Variants in TENM3 observed in about 807,000 individuals in gnomAD.
TENM3 encodes the protein teneurin transmembrane protein 3.
Under a neutral mutation model 255.1 loss-of-function variants are expected in TENM3, and 63 were observed. The ratio of observed to expected loss-of-function variants is 0.25; its 90% CI spans 0.20 to 0.30. TENM3 has a LOEUF of 0.30. Ranked by LOEUF, TENM3 falls within the 10% of genes least tolerant of loss-of-function variation. TENM3 has a pLI of 1.00. For missense variants in TENM3, 2,929 were observed against 3,461.1 expected (o/e 0.85, Z 3.86); for synonymous variants, 1,306 against 1,322.3 (o/e 0.99, Z 0.27).
At chr4:182,002,172 G>C in the TENM3 span, among the ~76,000 whole-genome samples, 4 of 152,060 alleles carry the variant, frequency 2.6e-5, no homozygotes, top group Non-Finnish European at 5.9e-5. Flanking sequence ...TCTGCCAGAA[G>C]GAAACTCTTT....
At chr4:181,903,529 A>G in the TENM3 span, among the ~76,000 whole-genome samples, 27 of 152,164 alleles carry the variant, frequency 1.8e-4, no homozygotes, top group Non-Finnish European at 2.9e-5. Flanking sequence ...CCAGCCTGTC[A>G]TCTCTCCAAC....
At chr4:181,704,436 G>T in the TENM3 span, among the ~76,000 whole-genome samples, 1 of 152,152 alleles carries the variant, frequency 6.6e-6, no homozygotes, top group Non-Finnish European at 1.5e-5. Context: ...GCAGCTTCTT[G>T]TATGTGAAGA....
chr4:181,487,961 T>G, the TENM3 span, among the ~76,000 whole-genome samples: 4 of 152,198 alleles, frequency 2.6e-5, no homozygotes, highest in Non-Finnish European at 4.4e-5. Flanking sequence ...TAATGACTCC[T>G]GAAAGTCATG....
the TENM3 span, among the ~76,000 whole-genome samples, chr4:181,928,608 C>T: frequency 4.6e-5 from 7 of 152,006 alleles, no homozygotes; most frequent in South Asian, 2.1e-4. Context: ...AAACACTCTT[C>T]GGGATATTAT....
chr4:181,691,381 T>C, the TENM3 span, among the ~76,000 whole-genome samples: 1 of 152,026 alleles, frequency 6.6e-6, no homozygotes, highest in Non-Finnish European at 1.5e-5. Flanking sequence ...CACGATAAGA[T>C]CGTACATTTC....
chr4:182,180,538 C>T (rs1453811859), intron 1 of TENM3, among the ~76,000 whole-genome samples: 2 of 151,970 alleles, frequency 1.3e-5, no homozygotes, highest in Non-Finnish European at 2.9e-5. Context: ...AGATGAGTTT[C>T]ATAAAGTCAT....
At chr4:182,064,773 G>A in the TENM3 span, among the ~76,000 whole-genome samples, 8 of 152,130 alleles carry the variant, frequency 5.3e-5, no homozygotes, top group African/African-American at 1.9e-4. Context: ...AAGAGGGTCT[G>A]ACATGGGCAT....
the TENM3 span, among the ~76,000 whole-genome samples, chr4:181,794,461 C>A: frequency 3.3e-5 from 5 of 152,162 alleles, no homozygotes; most frequent in East Asian, 1.9e-4. Context: ...CACATCCCAG[C>A]CCCTGGCAAC....
chr4:181,722,661 C>T, the TENM3 span, among the ~76,000 whole-genome samples: 1 of 152,128 alleles, frequency 6.6e-6, no homozygotes, highest in South Asian at 2.1e-4. Context: ...TAAAATTACT[C>T]ATATTTTAAT....
chr4:182,094,249 A>C, the TENM3 span, among the ~76,000 whole-genome samples: 1 of 150,622 alleles, frequency 6.6e-6, no homozygotes, highest in Non-Finnish European at 1.5e-5. Context: ...CTCATTCTTT[A>C]CTTTTTTTTT....
At chr4:181,804,070 GGAAAGAAA>G in the TENM3 span, among the ~76,000 whole-genome samples, 6 of 83,106 alleles carry the variant, frequency 7.2e-5, no homozygotes, top group African/African-American at 2.4e-4. Flanking sequence ...GAAAGAGAAA[GGAAAGAAA>G]GAAAGAAAGG....
intron 2 of TENM3, among the ~76,000 whole-genome samples, chr4:182,333,713 G>A (rs1285063053): frequency 6.6e-6 from 1 of 152,100 alleles, no homozygotes; most frequent in African/African-American, 2.4e-5. Flanking sequence ...AATTGTTTTA[G>A]ATGTTTTAGC....
the TENM3 span, among the ~76,000 whole-genome samples, chr4:181,700,558 A>G: frequency 1.3e-5 from 2 of 152,350 alleles, no homozygotes; most frequent in South Asian, 4.1e-4. Context: ...AACTGAGAAC[A>G]TGAGCAGAAG....
intron 3 of TENM3, among the ~76,000 whole-genome samples, chr4:182,492,465 G>A (rs1735391873): frequency 6.6e-6 from 1 of 152,156 alleles, no homozygotes; most frequent in Non-Finnish European, 1.5e-5. Flanking sequence ...TGCTCGAGGA[G>A]TTACTATATC....
rs186918367 is a variant in TENM3, at chr4:182,763,230, G to A, written c.4892+7971G>A. Among the ~76,000 whole-genome samples, 210 of 152,306 alleles carry A rather than the reference G, an allele frequency of 1.4e-3. 1 individual carries two copies. The highest frequency in any genetic ancestry group is 4.9e-3 in the African/African-American group (202 of 41,578). On this transcript the variant is annotated intron_variant, in intron 22 of 27. Transcript: ENST00000511685. ...TAAGCATTTAAAGAATGTAAGTCAA[G>A]CATCAGCTAGAAGAAAGATGTCATT...
intron 22 of TENM3, among the ~76,000 whole-genome samples, chr4:182,762,245 G>A (rs1763259495): frequency 6.6e-6 from 1 of 152,184 alleles, no homozygotes; most frequent in Admixed American, 6.5e-5. Flanking sequence ...TTCCGGATGT[G>A]CTAACTTGTT....
At chr4:182,096,402 G>A in the TENM3 span, among the ~76,000 whole-genome samples, 1 of 152,056 alleles carries the variant, frequency 6.6e-6, no homozygotes, top group African/African-American at 2.4e-5. Context: ...GTAAATAAAG[G>A]AAAATAACCA....
chr4:182,048,638 G>T, the TENM3 span, among the ~76,000 whole-genome samples: 4 of 152,062 alleles, frequency 2.6e-5, no homozygotes, highest in Admixed American at 2.0e-4. Flanking sequence ...CCTCTATAAA[G>T]GAAACTTTTT....
At chr4:181,465,904 C>T in the TENM3 span, among the ~76,000 whole-genome samples, 1 of 152,086 alleles carries the variant, frequency 6.6e-6, no homozygotes, top group Non-Finnish European at 1.5e-5. Flanking sequence ...GCCACTGTGC[C>T]ACTTGCTCTT....
Sources: gnomAD v4.1 joint callset for allele counts (sites outside exome capture counted in the v4.1 genomes callset) on GRCh38, gnomAD v4.1.1 for gene constraint, MANE v1.5 for transcripts, NCBI Gene and HGNC (gene_info 2026-07-23, HGNC 2026-07-21) for gene names.